Variants in ARSH observed in about 807,000 individuals in gnomAD.
ARSH encodes the protein arylsulfatase family member H, also known as arylsulfatase H.
A neutral mutation model predicts 28.7 loss-of-function variants in ARSH; 32 were observed. That is an observed-to-expected ratio of 1.11 (90% CI 0.84 to 1.50). The LOEUF (loss-of-function observed/expected upper bound fraction) is 1.50. Ranked by LOEUF, ARSH falls within the 40% of genes most tolerant of loss-of-function variation. The pLI, the probability that ARSH is intolerant of heterozygous loss-of-function variation, is 0.00. For missense variants in ARSH, 440 were observed against 452.4 expected (o/e 0.97, Z 0.25); for synonymous variants, 176 against 177.3 (o/e 0.99, Z 0.06).
intron 1 of ARSH, among the ~76,000 whole-genome samples, chrX:3,006,923 G>A (rs769445362): frequency 5.4e-5 from 6 of 111,015 alleles, no homozygotes; most frequent in Non-Finnish European, 1.1e-4. Context: ...CGTTTTCATT[G>A]TTGGGCAAAA....
intron 6 of ARSH, among the ~76,000 whole-genome samples, chrX:3,026,909 T>C (rs757455369): frequency 1.6e-3 from 177 of 111,282 alleles, no homozygotes; most frequent in Admixed American, 3.2e-3. Flanking sequence ...TGGAGTGCAG[T>C]GGCACAATCT....
chrX:3,008,485 CTTTCTTTCT>C (rs1569121839), intron 1 of ARSH, among the ~76,000 whole-genome samples: 1 of 99,624 alleles, frequency 1.0e-5, no homozygotes, highest in Non-Finnish European at 2.0e-5. Context: ...TTCTTTCTTT[CTTTCTTTCT>C]TTCTTTCTTT....
chrX:3,032,902 G>C (rs2089918371), intron 8 of ARSH, 116 bp from the exon 9 acceptor site: 2 of 752,767 alleles, frequency 2.7e-6, no homozygotes, highest in Non-Finnish European at 3.8e-6. Flanking sequence ...GTGTAATGCT[G>C]TGCAGAAGAG....
chrX:3,021,962 G>A (rs1017185464), intron 5 of ARSH, among the ~76,000 whole-genome samples: 1 of 108,140 alleles, frequency 9.2e-6, no homozygotes, highest in Non-Finnish European at 1.9e-5. Context: ...GGCTGGTCTC[G>A]AACTCTTGGG....
intron 3 of ARSH, 25 bp from the exon 4 acceptor site, chrX:3,014,945 T>C (rs763466256): frequency 1.8e-5 from 22 of 1,191,294 alleles, no homozygotes; most frequent in Admixed American, 2.2e-5. Flanking sequence ...CATGCTGCCA[T>C]GGTACGATTT....
At chrX:3,031,743 T>C (rs1290903546) in intron 8 of ARSH, among the ~76,000 whole-genome samples, 1 of 112,056 alleles carries the variant, frequency 8.9e-6, no homozygotes, top group Non-Finnish European at 1.9e-5. Flanking sequence ...AATTTAACTA[T>C]AGAGGATTAT....
At chrX:3,014,281 T>C (rs1442237660) in intron 3 of ARSH, among the ~76,000 whole-genome samples, 1 of 111,276 alleles carries the variant, frequency 9.0e-6, no homozygotes. Flanking sequence ...AAAAATAATC[T>C]AGACAATGTG....
chrX:3,020,323 C>T (rs1310640129), intron 5 of ARSH, among the ~76,000 whole-genome samples: 2 of 97,594 alleles, frequency 2.0e-5, no homozygotes, highest in Non-Finnish European at 4.0e-5. Context: ...AGTGCGGTGG[C>T]TCACGCCTGT....
intron 5 of ARSH, among the ~76,000 whole-genome samples, chrX:3,021,950 C>G (rs1569124632): frequency 9.2e-6 from 1 of 108,299 alleles, no homozygotes; most frequent in Non-Finnish European, 1.9e-5. Flanking sequence ...CCATCTTGCC[C>G]AGGCTGGTCT....
chrX:3,020,525 C>T (rs1219502791), intron 5 of ARSH, among the ~76,000 whole-genome samples: 3 of 89,883 alleles, frequency 3.3e-5, no homozygotes, highest in Non-Finnish European at 6.3e-5. Context: ...GGAGGCGGAG[C>T]TTGCAGTGAG....
chrX:3,006,780 G>C, intron 1 of ARSH, 76 bp downstream of exon 1: 2 of 871,911 alleles, frequency 2.3e-6, no homozygotes, highest in Non-Finnish European at 3.3e-6. Flanking sequence ...TGCCGTTGCA[G>C]AGAAGGGTTT....
chrX:3,017,770 A>G (rs1439001716), intron 4 of ARSH, among the ~76,000 whole-genome samples: 4 of 111,187 alleles, frequency 3.6e-5, no homozygotes, highest in African/African-American at 1.3e-4. Context: ...AGAAAGAAAG[A>G]AGGGAAAATG....
intron 4 of ARSH, among the ~76,000 whole-genome samples, chrX:3,016,580 T>C (rs1458261805): frequency 9.1e-6 from 1 of 110,261 alleles, no homozygotes; most frequent in Non-Finnish European, 1.9e-5. Flanking sequence ...TTACAAATTA[T>C]TACTATTATT....
At chrX:3,013,208 C>T in intron 3 of ARSH, 36 bp downstream of exon 3, 1 of 1,184,967 alleles carries the variant, frequency 8.4e-7, no homozygotes, top group Non-Finnish European at 1.1e-6. Flanking sequence ...GAAACGTGAT[C>T]CTGCAGCCTC....
chrX:3,012,902 C>A, intron 2 of ARSH, 145 bp from the exon 3 acceptor site: 1 of 685,038 alleles, frequency 1.5e-6, no homozygotes, highest in Non-Finnish European at 2.1e-6. Flanking sequence ...AAAGGAGGGT[C>A]AAGGACGTAC....
In ARSH at chrX:3,033,197, C is replaced by T. The variant is rs752829710; in HGVS notation, c.1501C>T (p.Pro501Ser). 5.0e-6 allele frequency: 6 copies of T among 1,211,376 alleles called. No homozygotes were observed. The highest frequency in any genetic ancestry group is 6.7e-6 in the Non-Finnish European group (6 of 895,324). ...CCTTCCACTGAACCCTGACAATGAG[C>T]CATTATTTGACTCCGTGATCAAAAA... ...EALPLNPDNE[P>S]LFDSVIKKME... is the part of the protein sequence containing the mutation. Residue 501 changes from proline (P) to serine (S), a missense_variant, in exon 9 of 9, where the codon CCA becomes TCA. Pro to Ser is a moderately conservative substitution (Grantham distance 74). Coordinates refer to ENST00000381130, the MANE Select transcript of ARSH (RefSeq NM_001011719.2).
chrX:3,023,932 T>C, intron 5 of ARSH, 89 bp from the exon 6 acceptor site: 1 of 1,031,592 alleles, frequency 9.7e-7, no homozygotes, highest in East Asian at 3.1e-5. Flanking sequence ...AAACGCTATG[T>C]GTAATAAATA....
intron 1 of ARSH, 25 bp downstream of exon 1, chrX:3,006,729 C>T (rs764421874): frequency 8.8e-7 from 1 of 1,137,780 alleles, no homozygotes; most frequent in Admixed American, 2.2e-5. Context: ...TGACCCCCTC[C>T]CTGTATGTGG....
At chrX:3,012,431 C>G (rs1246864777) in intron 2 of ARSH, among the ~76,000 whole-genome samples, 1 of 95,850 alleles carries the variant, frequency 1.0e-5, no homozygotes, top group African/African-American at 3.9e-5. Context: ...GTAATTCCAG[C>G]TAGGGAGGCG....
Sources: allele counts gnomAD v4.1 joint callset (sites outside exome capture counted in the v4.1 genomes callset), GRCh38; gene constraint gnomAD v4.1.1; transcripts MANE v1.5; gene names NCBI Gene and HGNC (gene_info 2026-07-23, HGNC 2026-07-21).